Variants in ATP9A observed in about 807,000 individuals in gnomAD.
ATP9A encodes the protein ATPase phospholipid transporting 9A.
Under a neutral mutation model 144.1 loss-of-function variants are expected in ATP9A, and 52 were observed. That is an observed-to-expected ratio of 0.36 (90% CI 0.29 to 0.45). ATP9A has a LOEUF of 0.45. Among genes scored for constraint, ATP9A ranks in the 20% least tolerant of loss-of-function variants. The pLI is 1.00. For synonymous variants in ATP9A, 582 were observed against 557.4 expected (o/e 1.04, Z -0.62); for missense variants, 947 against 1,392.7 (o/e 0.68, Z 5.09).
chr20:51,767,015 T>G (rs2077907105), intron 1 of ATP9A, among the ~76,000 whole-genome samples: 2 of 151,540 alleles, frequency 1.3e-5, no homozygotes, highest in South Asian at 4.2e-4. Flanking sequence ...AGGCCTCTTC[T>G]TCGGAGGATT....
rs555204877 is a variant in ATP9A at position 51,648,770 on chromosome 20, T to C, written c.1506+8168A>G. 3.9e-5 allele frequency among the ~76,000 whole-genome samples: 6 copies of C among 152,196 alleles called. No homozygotes were observed. In the South Asian group the frequency reaches 1.2e-3, roughly 32 times the overall value. On this transcript the variant is annotated intron_variant, in intron 14 of 27. Transcript: ENST00000338821. ...CTGCTTGAGGCCAGGAGGTCAAGGC[T>C]GCAGTGAGCCAAGACTGCACCACTG... is the stretch of plus-strand genomic sequence containing the variant.
chr20:51,609,237 A>G (rs1701246515), intron 24 of ATP9A, among the ~76,000 whole-genome samples: 1 of 152,080 alleles, frequency 6.6e-6, no homozygotes, highest in Admixed American at 6.6e-5. Context: ...GGAACCCCTG[A>G]CTATATTCTG....
chr20:51,729,730 G>A (rs1477147512), intron 2 of ATP9A, 104 bp downstream of exon 2: 15 of 1,338,912 alleles, frequency 1.1e-5, no homozygotes, highest in South Asian at 1.8e-5. Context: ...GGGCGACAGA[G>A]TAAGACTCTG....
At chr20:51,659,889 G>A (rs1050672929) in intron 13 of ATP9A, among the ~76,000 whole-genome samples, 14 of 152,180 alleles carry the variant, frequency 9.2e-5, no homozygotes, top group African/African-American at 2.7e-4. Context: ...CTGGTGTCAG[G>A]AGCACACGAG....
chr20:51,676,075 C>T, intron 10 of ATP9A, 57 bp downstream of exon 10: 1 of 1,333,416 alleles, frequency 7.5e-7, no homozygotes, highest in Non-Finnish European at 1.1e-6. Context: ...TCGTCACTCA[C>T]CCACCAGAAC....
At chr20:51,767,309 T>G (rs955688717) in intron 1 of ATP9A, among the ~76,000 whole-genome samples, 4 of 152,070 alleles carry the variant, frequency 2.6e-5, no homozygotes, top group Non-Finnish European at 4.4e-5. Flanking sequence ...CCTGTGGAGC[T>G]GCACATCTCC....
intron 1 of ATP9A, among the ~76,000 whole-genome samples, chr20:51,758,978 A>G (rs867138555): frequency 6.6e-6 from 1 of 152,190 alleles, no homozygotes; most frequent in African/African-American, 2.4e-5. Flanking sequence ...CACGGCACCC[A>G]TGTCCACACT....
At chr20:51,733,065 T>C (rs543266391) in intron 1 of ATP9A, among the ~76,000 whole-genome samples, 23 of 152,070 alleles carry the variant, frequency 1.5e-4, no homozygotes, top group Non-Finnish European at 2.9e-4. Flanking sequence ...TTATACAAAA[T>C]TTTTGTTCTG....
At chr20:51,661,170 C>G (rs1325839484) in intron 13 of ATP9A, among the ~76,000 whole-genome samples, 1 of 152,190 alleles carries the variant, frequency 6.6e-6, no homozygotes, top group Non-Finnish European at 1.5e-5. Context: ...CTTCCCTTTC[C>G]CATTAGTAAT....
At chr20:51,731,916 C>T (rs1357564957) in intron 1 of ATP9A, among the ~76,000 whole-genome samples, 1 of 152,052 alleles carries the variant, frequency 6.6e-6, no homozygotes, top group East Asian at 1.9e-4. Flanking sequence ...AATCTCCTCT[C>T]CACCCCCAGC....
intron 4 of ATP9A, among the ~76,000 whole-genome samples, chr20:51,702,196 G>C (rs2077596140): frequency 6.6e-6 from 1 of 151,764 alleles, no homozygotes; most frequent in South Asian, 2.1e-4. Context: ...CTACTTAGGA[G>C]GCTGAGGCAG....
chr20:51,666,227 G>C (rs2077432311), intron 13 of ATP9A, among the ~76,000 whole-genome samples: 1 of 152,304 alleles, frequency 6.6e-6, no homozygotes, highest in South Asian at 2.1e-4. Context: ...CCCATGCTCT[G>C]AACAGGGATG....
intron 18 of ATP9A, among the ~76,000 whole-genome samples, chr20:51,624,528 G>A (rs1343903673): frequency 6.6e-6 from 1 of 152,132 alleles, no homozygotes; most frequent in Admixed American, 6.5e-5. Context: ...CGGTCACTCT[G>A]CTGGGTGGTC....
chr20:51,656,708 C>T (rs2122769125), intron 14 of ATP9A, among the ~76,000 whole-genome samples: 1 of 152,184 alleles, frequency 6.6e-6, no homozygotes, highest in East Asian at 1.9e-4. Context: ...TTTTGAGTTA[C>T]AAAACAAAAT....
chr20:51,718,359 A>T (rs1321596947), intron 3 of ATP9A, among the ~76,000 whole-genome samples: 5 of 143,090 alleles, frequency 3.5e-5, no homozygotes, highest in African/African-American at 1.3e-4. Flanking sequence ...GATTTTCATC[A>T]CCCTATGTGT....
intron 15 of ATP9A, among the ~76,000 whole-genome samples, chr20:51,632,914 G>A (rs192406749): frequency 2.0e-5 from 3 of 152,126 alleles, no homozygotes; most frequent in Non-Finnish European, 4.4e-5. Context: ...CCTGAGGTCA[G>A]GAGTTCGAGA....
intron 13 of ATP9A, among the ~76,000 whole-genome samples, chr20:51,660,902 A>T (rs1055593940): frequency 2.6e-5 from 4 of 152,248 alleles, no homozygotes; most frequent in Non-Finnish European, 4.4e-5. Context: ...GCATCCACAG[A>T]GGCAGGTTAT....
chr20:51,632,196 C>A (rs1255489619), intron 15 of ATP9A, among the ~76,000 whole-genome samples: 1 of 152,144 alleles, frequency 6.6e-6, no homozygotes, highest in East Asian at 1.9e-4. Flanking sequence ...ACCTCCTGAC[C>A]TCAACCTTCC....
At chr20:51,657,834 G>A (rs1362370168) in intron 13 of ATP9A, among the ~76,000 whole-genome samples, 1 of 152,170 alleles carries the variant, frequency 6.6e-6, no homozygotes, top group African/African-American at 2.4e-5. Flanking sequence ...ACTGCAAAAC[G>A]GCACCTGGCT....
Sources: gnomAD v4.1 joint callset for allele counts (sites outside exome capture counted in the v4.1 genomes callset) on GRCh38, gnomAD v4.1.1 for gene constraint, MANE v1.5 for transcripts, NCBI Gene and HGNC (gene_info 2026-07-23, HGNC 2026-07-21) for gene names.